The following SP140 variants were observed in gnomAD, a reference collection of about 807,000 sequenced individuals.
The protein encoded by SP140 is SP140 nuclear body protein.
Under a neutral mutation model 125.0 loss-of-function variants are expected in SP140, and 81 were observed. The observed-to-expected ratio is 0.65, with a 90% CI of 0.54 to 0.78. The LOEUF is 0.78. Ranked by LOEUF, SP140 falls within the 30% of genes least tolerant of loss-of-function variation. SP140 has a pLI of 0.00. For synonymous variants in SP140, 312 were observed against 354.0 expected (o/e 0.88, Z 1.33); for missense variants, 858 against 1,037.0 (o/e 0.83, Z 2.37).
chr2:230,213,692 T>C (rs921663403), exon 2 of SP140: 20 of 152,506 alleles, frequency 1.3e-4, no homozygotes, highest in African/African-American at 4.8e-4. Flanking sequence ...AAAAGGAAAG[T>C]AACTTCAAAT....
At chr2:230,291,334 T>A (rs984252648) in intron 19 of SP140, among the ~76,000 whole-genome samples, 11 of 152,236 alleles carry the variant, frequency 7.2e-5, no homozygotes, top group Admixed American at 2.0e-4. Flanking sequence ...AATCAACTTT[T>A]TTTTGTATAG....
At chr2:230,300,318 A>G (rs769212073) in intron 22 of SP140, among the ~76,000 whole-genome samples, 1 of 152,150 alleles carries the variant, frequency 6.6e-6, no homozygotes, top group African/African-American at 2.4e-5. Context: ...CCCTGTAACA[A>G]CCTCACTGCT....
rs775122182 is a variant in SP140 at position 230,251,060 on chromosome 2, A to G, written c.1056A>G (p.Ser352=). The change falls in exon 10 of 27, where the codon TCA becomes TCG. Residue 352 remains serine, a splice_region_variant and synonymous_variant. Transcript: ENST00000392045. ...CTAGCTCCCTAGCAAGATGTGGGTC[A>G]GGTAAAGAAGGGGAGGATTTCTGGC... ...EASSSLARCG[S]VSCLSAETFD... is the part of the protein sequence containing the mutation. 3.7e-6 allele frequency: 6 copies of G among 1,612,660 alleles called. No individual in the cohort carries two copies. The highest frequency in any genetic ancestry group is 1.8e-4 in the Middle Eastern group (1 of 5,462).
chr2:230,211,457 A>C lies in SP140; in HGVS notation c.-322-2197A>C. 3 of 1,554,338 alleles carry C rather than the reference A, an allele frequency of 1.9e-6. No individual in the cohort carries two copies. Among genetic ancestry groups the C allele is most frequent in the Non-Finnish European group, 1.8e-6 (2 of 1,125,414 alleles). On this transcript the variant is annotated intron_variant, in intron 1 of 4. Coordinates refer to the SP140 transcript ENST00000456542. This position sits in a 1 kb window ranked among gnomAD's most constrained non-coding sequence, Gnocchi z 4.2. ...ACAAAGGCAAGCTTTTAGGTTGACC[A>C]AACCAAGATTACCTGGCATAGAGCC... is the stretch of plus-strand genomic sequence containing the variant.
At chr2:230,290,318 T>G in intron 18 of SP140, 142 bp from the exon 19 acceptor site, 2 of 730,664 alleles carry the variant, frequency 2.7e-6, no homozygotes, top group Non-Finnish European at 4.5e-6. Context: ...AAATGCCACT[T>G]GGAAGAAAGA....
the SP140 span, among the ~76,000 whole-genome samples, chr2:230,195,937 AT>A: frequency 6.6e-6 from 1 of 152,170 alleles, no homozygotes; most frequent in African/African-American, 2.4e-5. Context: ...TAAGCAAAAA[AT>A]ATAAGTTAAA....
chr2:230,297,328 A>G (rs1015851502), intron 21 of SP140, 93 bp from the exon 22 acceptor site: 1 of 1,428,218 alleles, frequency 7.0e-7, no homozygotes, highest in African/African-American at 1.4e-5. Flanking sequence ...TGGTTCCTGA[A>G]TCCCTTCAAA....
chr2:230,295,991 C>A (rs759532129), intron 21 of SP140, among the ~76,000 whole-genome samples: 1 of 151,844 alleles, frequency 6.6e-6, no homozygotes, highest in Non-Finnish European at 1.5e-5. Flanking sequence ...ATAATGCCAG[C>A]ATTTTGAGAG....
chr2:230,215,225 AG>A lies in SP140; in HGVS notation c.-91+1152del, dbSNP rs2044975874. The A allele has an allele frequency of 6.7e-6, 6 of 895,404 alleles. No homozygotes were observed. The South Asian group carries it at 8.9e-5, about 13-fold the overall frequency. 55.5% of individuals were successfully genotyped at this position (895,404 alleles called of 1,614,324 possible). ...AGAAAGCTACCTTACTCTTTTAAGA[AG>A]AAATTCAACATAAAATATATAGTCA... On this transcript the variant is annotated intron_variant, in intron 3 of 4. Transcript: ENST00000456542.
In SP140 at chr2:230,237,105, G is replaced by A. The variant is rs147902412; in HGVS notation, c.82G>A (p.Val28Ile). 5.8e-5 allele frequency: 92 copies of A among 1,597,726 alleles called. 1 individual carries two copies. Among genetic ancestry groups the A allele is most frequent in the African/African-American group, 1.1e-4 (8 of 73,594 alleles). ...NFRMVAEIQN[V>I]EGQNLQEQVC... ...TAGGATGGTCGCAGAGATCCAGAAC[G>A]TAGAGGGTCAGAACCTGCAGGAGCA... The change falls in exon 2 of 27, where the codon GTA (valine) becomes ATA (isoleucine). Residue 28 changes from valine (V) to isoleucine (I), a missense_variant. Around this residue, in one of 4 missense-constraint regions of SP140, gnomAD observed 791 missense variants for 869.5 expected, o/e 0.91. Coordinates refer to ENST00000392045, the MANE Select transcript of SP140 (RefSeq NM_007237.5). The surrounding 1 kb of genome is among the most constrained non-coding windows in gnomAD (Gnocchi z 5.4).
chr2:230,258,408 G>C (rs1234074319), intron 12 of SP140, among the ~76,000 whole-genome samples: 1 of 152,174 alleles, frequency 6.6e-6, no homozygotes, highest in Non-Finnish European at 1.5e-5. Flanking sequence ...ATTAGCAGCA[G>C]AATTGTGCTG....
At chr2:230,205,932 C>A (rs1378594558) in intron 1 of SP140, among the ~76,000 whole-genome samples, 4 of 152,136 alleles carry the variant, frequency 2.6e-5, no homozygotes, top group Admixed American at 2.6e-4. Context: ...TTACAATGAA[C>A]CAAGGAGGCC....
At position 230,289,034 on chromosome 2, in the gene SP140, A is replaced by G. The variant is rs539324967; in HGVS notation, c.1720+1068A>G. Among the ~76,000 whole-genome samples, 4 of 152,342 alleles carry G rather than the reference A, an allele frequency of 2.6e-5. No homozygotes were observed. In the East Asian group the frequency reaches 7.7e-4, roughly 29 times the overall value. On this transcript the variant is annotated intron_variant, in intron 18 of 26. Transcript: ENST00000392045. ...TATTTCTGGTTCTAGATCCTTGAGGAATCGCCACACTGTCTTCCATAACGG... is the reference window on the plus strand; with the variant it reads ...TATTTCTGGTTCTAGATCCTTGAGGGATCGCCACACTGTCTTCCATAACGG...
At chr2:230,192,554 A>G in the SP140 span, among the ~76,000 whole-genome samples, 1 of 152,280 alleles carries the variant, frequency 6.6e-6, no homozygotes, top group African/African-American at 2.4e-5. Flanking sequence ...AGAGAATAAA[A>G]TACCTAGGAA....
Position 230,247,932 on chromosome 2 carries a change from G to A in SP140, c.759G>A (p.Gly253=). ...GATCCCTAGTTCTAGAAAGCAACGG[G>A]ATGATAGATGCGGCAAGGACATACA... ...PYDTEVLESN[G]MIDAARTYST... is the part of the protein sequence containing the mutation. Residue 253 remains glycine, a synonymous_variant, in exon 8 of 27, where the codon GGG becomes GGA. Coordinates refer to ENST00000392045, the MANE Select transcript of SP140 (RefSeq NM_007237.5). The A allele has an allele frequency of 1.2e-6, 2 of 1,613,724 alleles. No individual in the cohort carries two copies. The highest frequency in any genetic ancestry group is 1.7e-6 in the Non-Finnish European group (2 of 1,179,768).
chr2:230,266,539 C>A (rs746784177), intron 12 of SP140, among the ~76,000 whole-genome samples: 86 of 152,288 alleles, frequency 5.6e-4, no homozygotes, highest in Middle Eastern at 3.4e-3. Context: ...CACAGTCCTG[C>A]CAGCAGAAGT....
chr2:230,193,272 T>G, the SP140 span, among the ~76,000 whole-genome samples: 3 of 152,236 alleles, frequency 2.0e-5, no homozygotes, highest in Non-Finnish European at 4.4e-5. Flanking sequence ...CTCTTGAAGA[T>G]AGCAGATATT....
rs1238651184 is a variant in SP140 at position 230,209,014 on chromosome 2, G to A, written c.-322-4640G>A. On this transcript the variant is annotated intron_variant, in intron 1 of 4. Transcript: ENST00000456542. ...ACTGGTGATCCAAATGAGGTTGAAG[G>A]ACAACTTCAGAGGAAACAACAAATA... Among the ~76,000 whole-genome samples, 7 of 152,226 alleles carry A rather than the reference G, an allele frequency of 4.6e-5. No homozygotes were observed. In the East Asian group the frequency reaches 1.3e-3, roughly 29 times the overall value.
At chr2:230,296,334 G>A (rs557549831) in intron 21 of SP140, among the ~76,000 whole-genome samples, 1 of 152,366 alleles carries the variant, frequency 6.6e-6, no homozygotes, top group Admixed American at 6.5e-5. Context: ...GAGGCATTCA[G>A]TGACAAGGTC....
Sources: allele counts gnomAD v4.1 joint callset (sites outside exome capture counted in the v4.1 genomes callset), GRCh38; gene constraint gnomAD v4.1.1; regional missense constraint gnomAD v4.1.1; non-coding constraint Gnocchi (gnomAD v3.1); transcripts MANE v1.5; gene names NCBI Gene and HGNC (gene_info 2026-07-23, HGNC 2026-07-21).